TSHZ2: variants seen among roughly 807,000 people sequenced by gnomAD.
TSHZ2 encodes the protein teashirt homolog 2.
A neutral mutation model predicts 74.4 loss-of-function variants in TSHZ2; 21 were observed. The ratio of observed to expected loss-of-function variants is 0.28; its 90% CI spans 0.20 to 0.41. The LOEUF (loss-of-function observed/expected upper bound fraction) is 0.41. Ranked by LOEUF, TSHZ2 falls within the 10% of genes least tolerant of loss-of-function variation. The pLI, the probability that TSHZ2 is intolerant of heterozygous loss-of-function variation, is 1.00. For synonymous variants in TSHZ2, 540 were observed against 515.3 expected, an observed-to-expected ratio of 1.05 and a Z score of -0.65; for missense variants, 1,244 against 1,293.5, an observed-to-expected ratio of 0.96 and a Z score of 0.59.
chr20:53,393,665 AACACAC>A (rs113428598), intron 2 of TSHZ2, among the ~76,000 whole-genome samples: 14 of 148,542 alleles, frequency 9.4e-5, no homozygotes, highest in South Asian at 4.3e-4. Context: ...TACACACGCA[AACACAC>A]ACACACACAC....
chr20:53,073,970 TG>T (rs1447918231), intron 1 of TSHZ2, among the ~76,000 whole-genome samples: 1 of 152,208 alleles, frequency 6.6e-6, no homozygotes, highest in African/African-American at 2.4e-5. Context: ...TTGGGATGCC[TG>T]GTGATGTGTG....
Position 53,444,543 on chromosome 20 carries a change from A to G in TSHZ2, c.*9-42601A>G, listed in dbSNP as rs567005321. Among the ~76,000 whole-genome samples, 89 of 152,288 alleles carry G rather than the reference A, an allele frequency of 5.8e-4. 3 individuals carry two copies. In the South Asian group the frequency reaches 0.018, roughly 31 times the overall value. On this transcript the variant is annotated intron_variant, in intron 2 of 2. Transcript: ENST00000371497. ...TGTGGGAGGGGAGCTAGGGAAATCA[A>G]TTTGGCAGGAGTTAATCACGAGAGC... is the stretch of plus-strand genomic sequence containing the variant.
intron 1 of TSHZ2, among the ~76,000 whole-genome samples, chr20:53,022,891 T>C (rs1983297534): frequency 6.6e-6 from 1 of 152,216 alleles, no homozygotes. Context: ...TTGTATGGAA[T>C]AATTACATGA....
intron 1 of TSHZ2, chr20:53,097,862 C>T (rs1416089044): frequency 6.6e-6 from 1 of 152,254 alleles, no homozygotes; most frequent in Non-Finnish European, 1.5e-5. Context: ...GCTATGCTCC[C>T]CTGCTAGAAC....
At chr20:52,976,450 A>G (rs117685620) in intron 1 of TSHZ2, among the ~76,000 whole-genome samples, 1,809 of 152,332 alleles carry the variant, frequency 0.012, 16 homozygotes, top group Admixed American at 0.021. Context: ...TATTTCACTC[A>G]CCATTAAAAT....
intron 1 of TSHZ2, among the ~76,000 whole-genome samples, chr20:53,045,444 C>T (rs1177147308): frequency 6.6e-6 from 1 of 152,210 alleles, no homozygotes; most frequent in East Asian, 1.9e-4. Context: ...TTCCTGGATC[C>T]TTTTGAGAAA....
chr20:53,377,259 G>A (rs6068529), intron 2 of TSHZ2, among the ~76,000 whole-genome samples: 6 of 152,154 alleles, frequency 3.9e-5, no homozygotes, highest in Non-Finnish European at 7.3e-5. Context: ...GAAGGACCAA[G>A]CCTACCAGTG....
chr20:53,344,932 G>A (rs780675503), intron 2 of TSHZ2, among the ~76,000 whole-genome samples: 6 of 152,164 alleles, frequency 3.9e-5, no homozygotes, highest in African/African-American at 1.2e-4. Context: ...AATAAAATAC[G>A]TGGGTAGATG....
rs573799890 is a variant in TSHZ2, at chr20:53,016,797, T to A, written c.40+43464T>A. On this transcript the variant is annotated intron_variant, in intron 1 of 2. Transcript: ENST00000371497. ...TTCTATTCACGCTACTCATCTGCCA[T>A]TAGTTGAGGGTGGTGGGCTCCACAG... Among the ~76,000 whole-genome samples, 18 of 152,268 alleles carry A rather than the reference T, an allele frequency of 1.2e-4. No homozygotes were observed. The South Asian group carries it at 3.5e-3, about 30-fold the overall frequency.
intron 1 of TSHZ2, among the ~76,000 whole-genome samples, chr20:53,237,478 G>A (rs186735442): frequency 1.8e-4 from 26 of 146,982 alleles, no homozygotes; most frequent in African/African-American, 6.8e-4. Flanking sequence ...TATATGCCCT[G>A]CTCTGTCTCT....
At chr20:53,005,660 G>A (rs563891265) in intron 1 of TSHZ2, among the ~76,000 whole-genome samples, 2 of 152,144 alleles carry the variant, frequency 1.3e-5, no homozygotes, top group African/African-American at 2.4e-5. Context: ...AGAGGTACTC[G>A]GTGTTAAAAT....
At chr20:53,121,835 G>A (rs1986819105) in intron 1 of TSHZ2, among the ~76,000 whole-genome samples, 1 of 151,984 alleles carries the variant, frequency 6.6e-6, no homozygotes, top group East Asian at 1.9e-4. Flanking sequence ...GAGTAGTGGA[G>A]TAAGTCCTGA....
intron 1 of TSHZ2, among the ~76,000 whole-genome samples, chr20:53,189,138 T>G (rs1988672478): frequency 6.6e-6 from 1 of 152,218 alleles, no homozygotes; most frequent in Non-Finnish European, 1.5e-5. Context: ...AACTTTCCCC[T>G]GAAATTCTAA....
intron 1 of TSHZ2, among the ~76,000 whole-genome samples, chr20:53,120,980 C>A (rs1193035649): frequency 6.6e-6 from 1 of 152,144 alleles, no homozygotes; most frequent in African/African-American, 2.4e-5. Flanking sequence ...TTCTTCTTTA[C>A]AAATGGCCTC....
At chr20:53,207,858 C>CTTTTTTTT (rs58457116) in intron 1 of TSHZ2, among the ~76,000 whole-genome samples, 3 of 96,692 alleles carry the variant, frequency 3.1e-5, no homozygotes, top group African/African-American at 4.2e-5. Flanking sequence ...CATTGTTTTA[C>CTTTTTTTT]TTTTTTTTTT....
chr20:53,236,548 C>A (rs1188335763), intron 1 of TSHZ2, among the ~76,000 whole-genome samples: 1 of 152,208 alleles, frequency 6.6e-6, no homozygotes, highest in African/African-American at 2.4e-5. Flanking sequence ...CACAAGTAAG[C>A]TAGTACACAG....
chr20:53,473,677 G>C (rs1316599014), intron 2 of TSHZ2, among the ~76,000 whole-genome samples: 2 of 151,658 alleles, frequency 1.3e-5, no homozygotes, highest in Non-Finnish European at 2.9e-5. Context: ...GACGAGCTGA[G>C]AGAAAAAGGC....
intron 2 of TSHZ2, among the ~76,000 whole-genome samples, chr20:53,344,346 T>C (rs922784162): frequency 6.6e-6 from 1 of 152,222 alleles, no homozygotes; most frequent in Non-Finnish European, 1.5e-5. Context: ...CATATTGTTA[T>C]TCCCACATTA....
intron 2 of TSHZ2, among the ~76,000 whole-genome samples, chr20:53,443,945 G>A (rs1984443974): frequency 6.6e-6 from 1 of 152,100 alleles, no homozygotes; most frequent in Admixed American, 6.5e-5. Context: ...AGTGGATGGG[G>A]GAACCAAGGC....
Sources: allele counts gnomAD v4.1 joint callset (sites outside exome capture counted in the v4.1 genomes callset), GRCh38; gene constraint gnomAD v4.1.1; transcripts MANE v1.5; gene names NCBI Gene and HGNC (gene_info 2026-07-23, HGNC 2026-07-21).